KAZN: variants seen among roughly 807,000 people sequenced by gnomAD.
The protein encoded by KAZN is kazrin, periplakin interacting protein.
A neutral mutation model predicts 87.4 loss-of-function variants in KAZN; 40 were observed. The observed-to-expected ratio is 0.46, with a 90% CI of 0.36 to 0.60. The LOEUF is 0.60. Among genes scored for constraint, KAZN ranks in the 20% least tolerant of loss-of-function variants. The pLI is 0.00. For synonymous variants in KAZN, 466 were observed against 458.3 expected (o/e 1.02, Z -0.22); for missense variants, 898 against 1,073.9 (o/e 0.84, Z 2.29).
intron 1 of KAZN, among the ~76,000 whole-genome samples, chr1:14,645,024 A>C (rs1249134126): frequency 2.0e-5 from 3 of 152,150 alleles, no homozygotes. Flanking sequence ...GCATATAGTC[A>C]TATGCCAGTT....
chr1:14,342,097 C>T (rs545479831), intron 2 of KAZN, among the ~76,000 whole-genome samples: 1 of 152,176 alleles, frequency 6.6e-6, no homozygotes, highest in African/African-American at 2.4e-5. Flanking sequence ...GTTTTCTATT[C>T]CTGTGTTAGT....
At position 14,073,163 on chromosome 1, in the gene KAZN, A is replaced by G. The variant is rs544659720; in HGVS notation, c.92-107272A>G. ...ACCACATTTGAGAAAGAAAGAGAAGAGGCTATCAATATTTATATTGCTTTC... is the reference window on the plus strand; with the variant it reads ...ACCACATTTGAGAAAGAAAGAGAAGGGGCTATCAATATTTATATTGCTTTC... On this transcript the variant is annotated intron_variant, in intron 1 of 16. Transcript: ENST00000636203. Among the ~76,000 whole-genome samples, 4 of 152,292 alleles carry G rather than the reference A, an allele frequency of 2.6e-5. No homozygotes were observed. The South Asian group carries it at 8.3e-4, about 32-fold the overall frequency.
At chr1:14,325,380 C>G (rs768406137) in intron 2 of KAZN, among the ~76,000 whole-genome samples, 10 of 152,162 alleles carry the variant, frequency 6.6e-5, no homozygotes, top group Non-Finnish European at 1.0e-4. Context: ...TCCGGATTAG[C>G]TTTATTCCAT....
intron 2 of KAZN, among the ~76,000 whole-genome samples, chr1:15,005,502 G>T (rs187905640): frequency 2.0e-5 from 3 of 152,232 alleles, no homozygotes; most frequent in Admixed American, 2.0e-4. Context: ...TAACCTAAAG[G>T]GGGCCGGGTG....
chr1:14,264,628 A>G (rs1232798094), intron 2 of KAZN, among the ~76,000 whole-genome samples: 1 of 152,156 alleles, frequency 6.6e-6, no homozygotes, highest in Non-Finnish European at 1.5e-5. Context: ...AGGTCCTTAC[A>G]AGATGCTGGT....
chr1:14,072,755 C>G (rs1015388200), intron 1 of KAZN, among the ~76,000 whole-genome samples: 2 of 152,124 alleles, frequency 1.3e-5, no homozygotes, highest in African/African-American at 4.8e-5. Flanking sequence ...TTCTGCTTTC[C>G]TCTCCTGTAA....
At chr1:14,701,900 A>C (rs1192779448) in intron 1 of KAZN, among the ~76,000 whole-genome samples, 1 of 152,150 alleles carries the variant, frequency 6.6e-6, no homozygotes, top group Non-Finnish European at 1.5e-5. Flanking sequence ...CCTCACCTAC[A>C]TGTATCTGTG....
At chr1:14,168,385 G>A (rs979418093) in intron 1 of KAZN, among the ~76,000 whole-genome samples, 1 of 152,156 alleles carries the variant, frequency 6.6e-6, no homozygotes, top group Non-Finnish European at 1.5e-5. Flanking sequence ...AGTTCTTTAC[G>A]GAGTTCTGGG....
chr1:14,465,398 C>CAAAAAAAA (rs71572107), intron 2 of KAZN, among the ~76,000 whole-genome samples: 2 of 84,798 alleles, frequency 2.4e-5, no homozygotes, highest in African/African-American at 9.7e-5. Flanking sequence ...GACTCTGTCT[C>CAAAAAAAA]AAAAAAAAAA....
intron 1 of KAZN, among the ~76,000 whole-genome samples, chr1:14,625,227 A>C (rs1679051065): frequency 6.6e-6 from 1 of 152,048 alleles, no homozygotes; most frequent in Admixed American, 6.5e-5. Flanking sequence ...AGTTTCTTTT[A>C]AGCTTCAGTA....
At chr1:14,993,387 T>G (rs1667543953) in intron 2 of KAZN, among the ~76,000 whole-genome samples, 2 of 151,606 alleles carry the variant, frequency 1.3e-5, no homozygotes, top group South Asian at 2.1e-4. Context: ...GAGAATCACT[T>G]GAACCTGGGA....
intron 1 of KAZN, among the ~76,000 whole-genome samples, chr1:14,035,384 C>T (rs1192337265): frequency 1.3e-5 from 2 of 152,050 alleles, no homozygotes; most frequent in East Asian, 3.9e-4. Flanking sequence ...CCCCTGGGGA[C>T]ATATAGCTAA....
chr1:14,432,417 C>G (rs138345082), intron 2 of KAZN, among the ~76,000 whole-genome samples: 1 of 152,214 alleles, frequency 6.6e-6, no homozygotes, highest in Non-Finnish European at 1.5e-5. Context: ...CCCAGTCTCA[C>G]GAGCTTGTCT....
intron 1 of KAZN, among the ~76,000 whole-genome samples, chr1:14,872,938 A>AGATG (rs143254162): frequency 0.6 from 87,960 of 146,022 alleles, 27,799 homozygotes; most frequent in East Asian, 0.8. Flanking sequence ...ATGGATGGAT[A>AGATG]GATGGATGGA....
intron 1 of KAZN, among the ~76,000 whole-genome samples, chr1:13,966,313 A>G (rs748980867): frequency 1.4e-4 from 22 of 152,278 alleles, no homozygotes; most frequent in Middle Eastern, 3.4e-3. Context: ...TTCAGGGACA[A>G]TGGGAGGGCA....
chr1:14,985,061 A>G (rs978760529), intron 2 of KAZN, among the ~76,000 whole-genome samples: 4 of 151,862 alleles, frequency 2.6e-5, no homozygotes, highest in Non-Finnish European at 2.9e-5. Flanking sequence ...GCTTGAACCC[A>G]GGAGGCAGAG....
At chr1:14,879,777 A>G (rs1477033101) in intron 1 of KAZN, among the ~76,000 whole-genome samples, 3 of 152,194 alleles carry the variant, frequency 2.0e-5, no homozygotes, top group Non-Finnish European at 4.4e-5. Flanking sequence ...CAGCATGGAC[A>G]TGCCTAAGAC....
rs575667764 is a variant in KAZN, at chr1:14,786,237, C to G, written c.227-174447C>G. Among the ~76,000 whole-genome samples, 18 of 152,278 alleles carry G rather than the reference C, an allele frequency of 1.2e-4. 1 individual carries two copies. In the South Asian group the frequency reaches 3.7e-3, roughly 32 times the overall value. On this transcript the variant is annotated intron_variant, in intron 1 of 14. Transcript: ENST00000376030. The stretch of plus-strand genomic sequence containing the variant: ...ACTTTCTTGTCATTTGTATCTTGGG[C>G]ACTGCAGTACTGGCTACTAATTAAC...
chr1:14,067,731 G>A (rs1272240887), intron 1 of KAZN, among the ~76,000 whole-genome samples: 5 of 152,152 alleles, frequency 3.3e-5, no homozygotes, highest in East Asian at 1.9e-4. Flanking sequence ...TAAAGAAAAC[G>A]GGGAAGGGTG....
Sources: gnomAD v4.1 joint callset for allele counts (sites outside exome capture counted in the v4.1 genomes callset) on GRCh38, gnomAD v4.1.1 for gene constraint, MANE v1.5 for transcripts, NCBI Gene and HGNC (gene_info 2026-07-23, HGNC 2026-07-21) for gene names.